Variants in POM121C observed in about 807,000 individuals in gnomAD.
POM121C encodes nuclear envelope pore membrane protein POM 121C.
Under a neutral mutation model 66.4 loss-of-function variants are expected in POM121C, and 20 were observed. That is an observed-to-expected ratio of 0.30 (90% CI 0.21 to 0.44). The LOEUF (loss-of-function observed/expected upper bound fraction) is 0.44. POM121C is among the 20% of genes least tolerant of loss of function. The probability of loss-of-function intolerance (pLI) is 1.00; values close to 1 mark genes in which losing one functional copy is unlikely to be tolerated. For missense variants in POM121C, 580 were observed against 1,225.7 expected, an observed-to-expected ratio of 0.47 and a Z score of 7.87; for synonymous variants, 286 against 528.0, an observed-to-expected ratio of 0.54 and a Z score of 6.28.
chr7:75,423,966 A>T lies in POM121C; in HGVS notation c.1048+83T>A, dbSNP rs1789828922. On this transcript the variant is annotated intron_variant, in intron 12 of 14. Transcript: ENST00000615331. Reference sequence around the variant, plus strand: ...TCGGCCTGCAGAGCAATCTCCAGCGACTGACAGGCACGACGCCCTTATTCC... The same window carrying T: ...TCGGCCTGCAGAGCAATCTCCAGCGTCTGACAGGCACGACGCCCTTATTCC... 2.0e-6 allele frequency: 3 copies of T among 1,506,814 alleles called. No individual in the cohort carries two copies. In the Admixed American group the frequency reaches 5.7e-5, roughly 29 times the overall value. 93.3% of individuals were successfully genotyped at this position (1,506,814 alleles called of 1,614,324 possible). A position where few individuals can be genotyped will look rare whatever the true frequency, so the allele number is the denominator to read the frequency against.
At chr7:75,484,705 C>T (rs1212764758) in intron 1 of POM121C, among the ~76,000 whole-genome samples, 5 of 149,812 alleles carry the variant, frequency 3.3e-5, no homozygotes, top group Admixed American at 6.7e-5. Flanking sequence ...GGGAAGCATG[C>T]GCCTGTAACT....
At chr7:75,424,399 C>T in intron 11 of POM121C, 127 bp downstream of exon 11, 1 of 1,385,418 alleles carries the variant, frequency 7.2e-7, no homozygotes, top group East Asian at 2.3e-5. Context: ...GTGAGAAAGA[C>T]CACAAGAAAA....
At chr7:75,419,835 C>T (rs587600505) in intron 13 of POM121C, 29 of 194,982 alleles carry the variant, frequency 1.5e-4, no homozygotes, top group African/African-American at 5.2e-4. Flanking sequence ...CTGGTTTGTC[C>T]GTCCTGTGTC....
chr7:75,457,941 AAAGG>A (rs1474144796), intron 3 of POM121C, among the ~76,000 whole-genome samples: 1 of 152,278 alleles, frequency 6.6e-6, no homozygotes, highest in Admixed American at 6.5e-5. Flanking sequence ...AGCAGTAAAG[AAAGG>A]AAGGAAGGGA....
intron 1 of POM121C, among the ~76,000 whole-genome samples, chr7:75,475,461 A>G (rs1406910297): frequency 6.6e-6 from 1 of 152,074 alleles, no homozygotes; most frequent in Non-Finnish European, 1.5e-5. Context: ...CTGCTCTCAG[A>G]AAGCAGACAA....
At chr7:75,434,643 C>T (rs1409978156) in intron 7 of POM121C, among the ~76,000 whole-genome samples, 3 of 146,714 alleles carry the variant, frequency 2.0e-5, no homozygotes, top group South Asian at 4.3e-4. Context: ...AGTGCAGTGG[C>T]GCTATCTCTG....
At chr7:75,483,828 C>T (rs1481820283) in intron 1 of POM121C, among the ~76,000 whole-genome samples, 21 of 152,036 alleles carry the variant, frequency 1.4e-4, no homozygotes, top group East Asian at 2.0e-4. Flanking sequence ...TGGCTGGGCT[C>T]GGTGGCTCAT....
chr7:75,420,271 C>T (rs1221210331), intron 13 of POM121C: 2 of 152,738 alleles, frequency 1.3e-5, no homozygotes, highest in East Asian at 1.9e-4. Flanking sequence ...CACACTGTCA[C>T]CACAACTGCT....
At position 75,431,074 on chromosome 7, in the gene POM121C, C is replaced by CA. The variant is rs34253601; in HGVS notation, c.481-4622dup. Among the ~76,000 whole-genome samples the CA allele has an allele frequency of 3.1e-3, 185 of 59,722 alleles. 13 individuals are homozygous for CA. The highest frequency in any genetic ancestry group is 3.9e-3 in the Non-Finnish European group (133 of 34,470). The allele number at this position is 59,722 out of a possible 152,430, so 39.2% of individuals were successfully genotyped here. On this transcript the variant is annotated intron_variant, in intron 7 of 14. Coordinates refer to ENST00000615331, the MANE Select transcript of POM121C (RefSeq NM_001099415.3). ...CTGGTGACAGAGCGAGACTCTGTCT[C>CA]AAAAAAAAAAAAAAAAAAAAAAAAA...
At chr7:75,447,972 C>T (rs587772095) in intron 3 of POM121C, among the ~76,000 whole-genome samples, 1 of 149,942 alleles carries the variant, frequency 6.7e-6, no homozygotes, top group East Asian at 2.0e-4. Context: ...TGCAGTGAGC[C>T]GAGATCGCGC....
chr7:75,482,661 A>G (rs62477693), intron 1 of POM121C, among the ~76,000 whole-genome samples: 138,914 of 152,058 alleles, frequency 0.91, 63,475 homozygotes, highest in East Asian at 0.97. Flanking sequence ...CTACACTCCA[A>G]CCTGGGTGAC....
chr7:75,481,033 AT>A (rs1554480046), intron 1 of POM121C, among the ~76,000 whole-genome samples: 10 of 135,890 alleles, frequency 7.4e-5, no homozygotes, highest in African/African-American at 2.2e-4. Flanking sequence ...TTCAAAAAAT[AT>A]ATATATATAT....
chr7:75,467,911 C>T (rs1791724029), intron 3 of POM121C, among the ~76,000 whole-genome samples: 1 of 151,914 alleles, frequency 6.6e-6, no homozygotes, highest in Non-Finnish European at 1.5e-5. Flanking sequence ...GGGCAGATCA[C>T]CTGGGGTCAG....
At chr7:75,448,381 C>T (rs1790902678) in intron 3 of POM121C, among the ~76,000 whole-genome samples, 1 of 151,118 alleles carries the variant, frequency 6.6e-6, no homozygotes, top group African/African-American at 2.4e-5. Context: ...ATGGTAACTA[C>T]ATATATTTAT....
At chr7:75,465,996 T>C (rs1209248350) in intron 3 of POM121C, among the ~76,000 whole-genome samples, 1 of 141,444 alleles carries the variant, frequency 7.1e-6, no homozygotes, top group Non-Finnish European at 1.5e-5. Flanking sequence ...TGGTGGTGCA[T>C]ACCTGTAGTC....
At chr7:75,442,177 A>G in intron 3 of POM121C, 2 of 1,293,028 alleles carry the variant, frequency 1.5e-6, no homozygotes, top group East Asian at 6.1e-5. Context: ...GTCGGAGAAG[A>G]GGAGTGGGGA....
At chr7:75,477,133 A>ACACACACACACT (rs1236003743) in intron 1 of POM121C, among the ~76,000 whole-genome samples, 5 of 146,848 alleles carry the variant, frequency 3.4e-5, no homozygotes, top group South Asian at 2.2e-4. Flanking sequence ...ACACACACAC[A>ACACACACACACT]CTCTTATGCC....
At chr7:75,448,647 C>T (rs1324167563) in intron 3 of POM121C, among the ~76,000 whole-genome samples, 4 of 137,934 alleles carry the variant, frequency 2.9e-5, no homozygotes, top group Non-Finnish European at 4.7e-5. Flanking sequence ...ACTAAAAATA[C>T]AAAATTAGCC....
intron 3 of POM121C, among the ~76,000 whole-genome samples, chr7:75,473,337 G>C (rs1791943444): frequency 6.6e-6 from 1 of 151,846 alleles, no homozygotes; most frequent in Non-Finnish European, 1.5e-5. Context: ...TGGAAAATGG[G>C]TTCTAAGAGG....
Sources: allele counts gnomAD v4.1 joint callset (sites outside exome capture counted in the v4.1 genomes callset), GRCh38; gene constraint gnomAD v4.1.1; transcripts MANE v1.5; gene names NCBI Gene and HGNC (gene_info 2026-07-23, HGNC 2026-07-21).